The following SPATA45 variants were observed in gnomAD, a reference collection of about 807,000 sequenced individuals.
SPATA45 encodes spermatogenesis associated 45, also known as spermatogenesis-associated protein 45.
Under a neutral mutation model 7.0 loss-of-function variants are expected in SPATA45, and 5 were observed. That is an observed-to-expected ratio of 0.71 (90% CI 0.37 to 1.50). The LOEUF (loss-of-function observed/expected upper bound fraction) is 1.50, where lower values mean the gene tolerates loss of function less well. Among genes scored for constraint, SPATA45 ranks in the 40% most tolerant of loss-of-function variants. The pLI, the probability that SPATA45 is intolerant of heterozygous loss-of-function variation, is 0.03. For synonymous variants in SPATA45, 40 were observed against 38.7 expected (o/e 1.03, Z -0.13); for missense variants, 111 against 114.9 (o/e 0.97, Z 0.16).
intron 2 of SPATA45, among the ~76,000 whole-genome samples, chr1:212,831,696 T>G (rs6685864): frequency 0.65 from 97,853 of 150,816 alleles, 32,716 homozygotes; most frequent in Non-Finnish European, 0.68. Flanking sequence ...GCAAAGAGGA[T>G]CACCCAGAAC....
intron 2 of SPATA45, among the ~76,000 whole-genome samples, chr1:212,834,247 A>G (rs1352347517): frequency 6.6e-6 from 1 of 151,684 alleles, no homozygotes; most frequent in Non-Finnish European, 1.5e-5. Flanking sequence ...GATCTAAATT[A>G]ATAATTTGTT....
intron 1 of SPATA45, among the ~76,000 whole-genome samples, chr1:212,839,129 T>TA (rs1553260220): frequency 1.4e-5 from 2 of 144,542 alleles, no homozygotes; most frequent in African/African-American, 5.0e-5. Flanking sequence ...TTTATATATA[T>TA]TATATATATA....
At chr1:212,841,413 C>T (rs972904606) in intron 1 of SPATA45, among the ~76,000 whole-genome samples, 1 of 151,808 alleles carries the variant, frequency 6.6e-6, no homozygotes, top group African/African-American at 2.4e-5. Flanking sequence ...ATCTACCCAC[C>T]TCAGCCTTTC....
chr1:212,838,110 G>A lies in SPATA45; in HGVS notation c.-38-1923C>T, dbSNP rs547775182. Among the ~76,000 whole-genome samples the A allele has an allele frequency of 4.0e-5, 6 of 151,490 alleles. No individual in the cohort carries two copies. The East Asian group carries it at 1.2e-3, about 29-fold the overall frequency. Reference sequence around the variant, plus strand: ...GAGGTCAGGAGTTCGAGACCAGCCTGTTCAACATGGCAAAACCCTGTCACT... The same window carrying A: ...GAGGTCAGGAGTTCGAGACCAGCCTATTCAACATGGCAAAACCCTGTCACT... On this transcript the variant is annotated intron_variant, in intron 1 of 2. Transcript: ENST00000332912.
At chr1:212,839,913 G>A (rs79687119) in intron 1 of SPATA45, among the ~76,000 whole-genome samples, 1 of 151,544 alleles carries the variant, frequency 6.6e-6, no homozygotes, top group South Asian at 2.1e-4. Flanking sequence ...CTAGCACATT[G>A]CCTAATGAAT....
chr1:212,835,806 A>G (rs1013421567), intron 2 of SPATA45, 67 bp downstream of exon 2: 9 of 1,407,240 alleles, frequency 6.4e-6, no homozygotes, highest in Non-Finnish European at 8.7e-6. Flanking sequence ...ACTGCACTCC[A>G]GCCTGGGCGA....
chr1:212,841,639 T>G (rs957670945), intron 1 of SPATA45, among the ~76,000 whole-genome samples: 1 of 150,148 alleles, frequency 6.7e-6, no homozygotes, highest in Admixed American at 6.6e-5. Context: ...TTCTTTTTTT[T>G]TTTTTTTTTT....
chr1:212,836,435 A>T (rs1663587363), intron 1 of SPATA45, among the ~76,000 whole-genome samples: 1 of 151,420 alleles, frequency 6.6e-6, no homozygotes, highest in Admixed American at 6.6e-5. Context: ...GATTCAAGTG[A>T]TTCTTGTGCC....
chr1:212,840,796 T>C (rs1347829410), intron 1 of SPATA45, among the ~76,000 whole-genome samples: 1 of 151,172 alleles, frequency 6.6e-6, no homozygotes, highest in Non-Finnish European at 1.5e-5. Flanking sequence ...TTTTTTGTAT[T>C]TTTAGTAGAG....
chr1:212,847,009 A>AG (rs201946656), intron 1 of SPATA45, among the ~76,000 whole-genome samples: 3,486 of 152,024 alleles, frequency 0.023, 62 homozygotes, highest in South Asian at 0.041. Context: ...CCCCCACCTC[A>AG]CCTTCCAAGT....
In SPATA45 at chr1:212,836,153, G is replaced by A. The variant is rs764387009; in HGVS notation, c.-4C>T. The A allele has an allele frequency of 3.1e-6, 5 of 1,594,464 alleles. No homozygotes were observed. The Admixed American group carries it at 8.4e-5, about 27-fold the overall frequency. On this transcript the variant is annotated 5_prime_UTR_variant, in exon 2 of 3. Transcript: ENST00000332912. ...TGGTTCTGTTTATAGATGCCATTAT[G>A]GTCACAAACCAATTGTCAAGTGATT...
At chr1:212,834,545 G>T (rs565008222) in intron 2 of SPATA45, among the ~76,000 whole-genome samples, 1 of 151,124 alleles carries the variant, frequency 6.6e-6, no homozygotes, top group African/African-American at 2.4e-5. Context: ...CCACCTCTGG[G>T]ATTCAAACAA....
chr1:212,845,381 G>T (rs1195335477), intron 1 of SPATA45, among the ~76,000 whole-genome samples: 1 of 152,194 alleles, frequency 6.6e-6, no homozygotes, highest in Non-Finnish European at 1.5e-5. Flanking sequence ...GGTCTGGGTA[G>T]ACACTTTCAC....
At chr1:212,847,409 G>T (rs1663819578) in intron 1 of SPATA45, among the ~76,000 whole-genome samples, 171 bp downstream of exon 1, 1 of 152,080 alleles carries the variant, frequency 6.6e-6, no homozygotes, top group Non-Finnish European at 1.5e-5. Context: ...AAAATTGTAT[G>T]TCAAACAATT....
In SPATA45 at chr1:212,837,389, G is replaced by C. The variant is rs905118374; in HGVS notation, c.-38-1202C>G. On this transcript the variant is annotated intron_variant, in intron 1 of 2. Transcript: ENST00000332912. ...TGGCTCATGCCTGTAATCCCAGCAC[G>C]TTGGGAGGCCAAGGCGGGCAGATCA... Among the ~76,000 whole-genome samples the C allele has an allele frequency of 1.3e-5, 2 of 149,178 alleles. 1 individual carries two copies. The highest frequency in any genetic ancestry group is 3.0e-5 in the Non-Finnish European group (2 of 67,108).
At chr1:212,845,958 C>T (rs58172415) in intron 1 of SPATA45, among the ~76,000 whole-genome samples, 11,491 of 152,198 alleles carry the variant, frequency 0.076, 491 homozygotes, top group African/African-American at 0.11. Context: ...AAGGATAGAG[C>T]CCAAAAACTC....
chr1:212,830,214 T>A lies in SPATA45; in HGVS notation c.*28A>T. 6.7e-7 allele frequency: 1 copy of A among 1,485,066 alleles called. No individual in the cohort carries two copies. Among genetic ancestry groups the A allele is most frequent in the Non-Finnish European group, 9.3e-7 (1 of 1,077,360 alleles). The allele number at this position is 1,485,066 out of a possible 1,614,324, so 92.0% of individuals were successfully genotyped here. A position where few individuals can be genotyped will look rare whatever the true frequency, so the allele number is the denominator to read the frequency against. On this transcript the variant is annotated 3_prime_UTR_variant, in exon 3 of 3. Transcript: ENST00000332912. ...CACTGAAGAAGAATCAAAGAGAATG[T>A]ATTTCCGTGTGTCTCTGGAGATGCA...
chr1:212,842,960 G>A (rs1663716428), intron 1 of SPATA45, among the ~76,000 whole-genome samples: 1 of 151,706 alleles, frequency 6.6e-6, no homozygotes, highest in Non-Finnish European at 1.5e-5. Context: ...AGCTGGGCGT[G>A]GTGGCATGCG....
In SPATA45 at chr1:212,836,068, TTTTG is replaced by T. The variant is rs758282646; in HGVS notation, c.78_81del (p.Asn26LysfsTer18). 7.5e-6 allele frequency: 12 copies of T among 1,610,030 alleles called. No individual in the cohort carries two copies. In the African/African-American group the frequency reaches 1.5e-4, roughly 20 times the overall value. On this transcript the variant is annotated frameshift_variant, in exon 2 of 3. Transcript: ENST00000332912. LOFTEE classifies it high-confidence loss of function. The stretch of plus-strand genomic sequence containing the variant: ...TCCACCAAGCAGTTGGATTCACGCT[TTTTG>T]TTTATCTCCTCCAGGAGATGTTGTT...
Sources: gnomAD v4.1 joint callset for allele counts (sites outside exome capture counted in the v4.1 genomes callset) on GRCh38, gnomAD v4.1.1 for gene constraint, MANE v1.5 for transcripts, NCBI Gene and HGNC (gene_info 2026-07-23, HGNC 2026-07-21) for gene names.